AGTPBP1: variants seen among roughly 807,000 people sequenced by gnomAD.
AGTPBP1 encodes ATP/GTP binding carboxypeptidase 1.
A neutral mutation model predicts 143.9 loss-of-function variants in AGTPBP1; 70 were observed. The observed-to-expected ratio is 0.49, with a 90% CI of 0.40 to 0.59. The LOEUF is 0.59. Ranked by LOEUF, AGTPBP1 falls within the 20% of genes least tolerant of loss-of-function variation. The pLI is 0.00. For synonymous variants in AGTPBP1, 463 were observed against 500.2 expected, an observed-to-expected ratio of 0.93 and a Z score of 0.99; for missense variants, 1,229 against 1,464.5, an observed-to-expected ratio of 0.84 and a Z score of 2.62.
At chr9:85,759,205 A>G in the AGTPBP1 span, among the ~76,000 whole-genome samples, 4 of 152,232 alleles carry the variant, frequency 2.6e-5, no homozygotes, top group Non-Finnish European at 5.9e-5. Flanking sequence ...AATATTAGAC[A>G]GATCCATGAG....
chr9:85,632,836 G>A lies in AGTPBP1; in HGVS notation c.1841C>T (p.Ala614Val), dbSNP rs1204618567. 6.2e-7 allele frequency: 1 copy of A among 1,614,146 alleles called. No homozygotes were observed. Among genetic ancestry groups the A allele is most frequent in the Non-Finnish European group, 8.5e-7 (1 of 1,180,016 alleles). ...TGGTCCATCAGGTACTTCAACCGAT[G>A]CTTGTTCTACCGATGAATTTGACTC... ...DTESNSSVEQ[A>V]SVEVPDGPTL... Residue 614 changes from alanine (A) to valine (V), a missense_variant, in exon 14 of 26, where the codon GCA becomes GTA. Physicochemically the swap from Ala to Val is moderately conservative, Grantham distance 64 (BLOSUM62 0). Coordinates refer to ENST00000357081, the MANE Select transcript of AGTPBP1 (RefSeq NM_001330701.2).
In AGTPBP1 at chr9:85,590,646, G is replaced by A. The variant is rs568233610; in HGVS notation, c.2569-965C>T. Among the ~76,000 whole-genome samples the A allele has an allele frequency of 5.9e-5, 9 of 152,264 alleles. No homozygotes were observed. The South Asian group carries it at 1.9e-3, about 32-fold the overall frequency. On this transcript the variant is annotated intron_variant, in intron 19 of 25. Coordinates refer to ENST00000357081, the MANE Select transcript of AGTPBP1 (RefSeq NM_001330701.2). ...AGGGAAAATAGAGAGTGCTGTGAGA[G>A]CCTGTAATAAGGGGAGGGGAGCCTA...
At chr9:85,777,439 G>T in the AGTPBP1 span, among the ~76,000 whole-genome samples, 1 of 152,218 alleles carries the variant, frequency 6.6e-6, no homozygotes, top group Non-Finnish European at 1.5e-5. Flanking sequence ...GCACTCAGCA[G>T]TGGCCGTAGC....
intron 7 of AGTPBP1, among the ~76,000 whole-genome samples, chr9:85,669,973 A>G (rs1486475538): frequency 2.6e-5 from 4 of 152,230 alleles, no homozygotes; most frequent in Admixed American, 1.3e-4. Context: ...ACAAATAATT[A>G]CTAAATTACT....
chr9:85,619,049 G>A lies in AGTPBP1; in HGVS notation c.2269C>T (p.Arg757Ter). 3 of 1,613,740 alleles carry A rather than the reference G, an allele frequency of 1.9e-6. No homozygotes were observed. The highest frequency in any genetic ancestry group is 2.5e-6 in the Non-Finnish European group (3 of 1,179,798). Residue 757 changes from arginine to a stop codon, truncating the protein, a stop_gained, in exon 17 of 26, where the codon CGA (arginine) becomes TGA (stop). Transcript: ENST00000357081. LOFTEE classifies it high-confidence loss of function. ...QWFYFEVSGMRPGVAYRFNII... is the reference protein window; with the variant it reads ...QWFYFEVSGM ...TTAAACCTGTAAGCAACACCTGGTC[G>A]CATTCCACTGACTTCAAAGTAAAAC...
chr9:85,793,205 G>A, the AGTPBP1 span, among the ~76,000 whole-genome samples: 11 of 152,190 alleles, frequency 7.2e-5, no homozygotes, highest in South Asian at 4.1e-4. Flanking sequence ...TTTAGTAACA[G>A]TTACGTTTGT....
intron 1 of AGTPBP1, among the ~76,000 whole-genome samples, chr9:85,714,336 A>G (rs1837564630): frequency 6.6e-6 from 1 of 152,208 alleles, no homozygotes. Flanking sequence ...TCCTTTAATC[A>G]CGCAAAAAAG....
At chr9:85,794,710 A>G in the AGTPBP1 span, among the ~76,000 whole-genome samples, 1 of 152,192 alleles carries the variant, frequency 6.6e-6, no homozygotes, top group Non-Finnish European at 1.5e-5. Flanking sequence ...TAGGAATTGC[A>G]TTGAATCTGT....
the AGTPBP1 span, among the ~76,000 whole-genome samples, chr9:85,786,740 C>A: frequency 7.2e-5 from 11 of 151,972 alleles, no homozygotes; most frequent in African/African-American, 2.7e-4. Flanking sequence ...TGTACATCTT[C>A]TATATATATT....
chr9:85,732,783 AAG>A (rs1288512885), intron 1 of AGTPBP1, among the ~76,000 whole-genome samples: 1 of 152,162 alleles, frequency 6.6e-6, no homozygotes, highest in African/African-American at 2.4e-5. Context: ...GAAAGAATGG[AAG>A]AAGATATTCC....
chr9:85,665,159 G>T (rs567372791), intron 8 of AGTPBP1, among the ~76,000 whole-genome samples: 1 of 152,202 alleles, frequency 6.6e-6, no homozygotes, highest in Non-Finnish European at 1.5e-5. Context: ...CATTGCAGAT[G>T]TAACTAGTTA....
At chr9:85,603,382 C>T (rs1307840091) in intron 17 of AGTPBP1, among the ~76,000 whole-genome samples, 1 of 151,884 alleles carries the variant, frequency 6.6e-6, no homozygotes, top group Non-Finnish European at 1.5e-5. Context: ...GCCCCAGGCC[C>T]CAGGTGACAT....
intron 3 of AGTPBP1, among the ~76,000 whole-genome samples, chr9:85,690,076 CCT>C (rs1835766815): frequency 6.6e-6 from 1 of 151,332 alleles, no homozygotes; most frequent in Non-Finnish European, 1.5e-5. Context: ...ATGAGAGTAC[CCT>C]CTCCCCGTGC....
In AGTPBP1 at chr9:85,575,374, C is replaced by G. The variant is rs1206240561; in HGVS notation, c.3444G>C (p.Leu1148=). 6.2e-7 allele frequency: 1 copy of G among 1,607,024 alleles called. No homozygotes were observed. The highest frequency in any genetic ancestry group is 1.1e-5 in the South Asian group (1 of 89,216). The change falls in exon 25 of 26, where the codon CTG becomes CTC. Residue 1148 remains leucine (L), a synonymous_variant. Coordinates refer to ENST00000357081, the MANE Select transcript of AGTPBP1 (RefSeq NM_001330701.2). ...KRLTSPLEYN[L]PSSLLDFEND... Reference sequence around the variant, plus strand: ...TTTCAAAGTCAAGCAGGCTGGAAGGCAGATTATACTCCAATGGAGAGGTCA... The same window carrying G: ...TTTCAAAGTCAAGCAGGCTGGAAGGGAGATTATACTCCAATGGAGAGGTCA...
At chr9:85,547,889 T>G (rs1194278147) in intron 25 of AGTPBP1, among the ~76,000 whole-genome samples, 1 of 152,220 alleles carries the variant, frequency 6.6e-6, no homozygotes, top group African/African-American at 2.4e-5. Context: ...AAGCACTAAG[T>G]GCTTCTAAAT....
At chr9:85,696,162 C>A (rs950515836) in intron 2 of AGTPBP1, among the ~76,000 whole-genome samples, 4 of 152,086 alleles carry the variant, frequency 2.6e-5, no homozygotes, top group Non-Finnish European at 5.9e-5. Context: ...ATTCTCTTTT[C>A]ATGGAGATAA....
At chr9:85,683,893 T>A (rs1835338786) in intron 3 of AGTPBP1, among the ~76,000 whole-genome samples, 1 of 152,130 alleles carries the variant, frequency 6.6e-6, no homozygotes. Context: ...TTTCCCACAG[T>A]ATCAGTCCCC....
intron 17 of AGTPBP1, among the ~76,000 whole-genome samples, chr9:85,608,725 A>G (rs1830133244): frequency 6.6e-6 from 1 of 152,142 alleles, no homozygotes; most frequent in African/African-American, 2.4e-5. Flanking sequence ...ACAAAAACTG[A>G]TAATATATTA....
intron 25 of AGTPBP1, among the ~76,000 whole-genome samples, chr9:85,564,407 G>C (rs1826944751): frequency 6.6e-6 from 1 of 152,166 alleles, no homozygotes; most frequent in African/African-American, 2.4e-5. Flanking sequence ...ACAGCTAAAG[G>C]AAAATTTGCC....
Sources: allele counts gnomAD v4.1 joint callset (sites outside exome capture counted in the v4.1 genomes callset), GRCh38; gene constraint gnomAD v4.1.1; transcripts MANE v1.5; gene names NCBI Gene and HGNC (gene_info 2026-07-23, HGNC 2026-07-21).